RIPOR2: variants seen among roughly 807,000 people sequenced by gnomAD.
RIPOR2 encodes RHO family interacting cell polarization regulator 2.
RIPOR2 carries 39 observed loss-of-function variants against 114.5 expected under a neutral mutation model. The ratio of observed to expected loss-of-function variants is 0.34; its 90% CI spans 0.26 to 0.44. RIPOR2 has a LOEUF of 0.44. RIPOR2 is among the 20% of genes least tolerant of loss of function. RIPOR2 has a pLI of 1.00. For missense variants in RIPOR2, 1,007 were observed against 1,255.1 expected (o/e 0.80, Z 2.99); for synonymous variants, 445 against 484.4 (o/e 0.92, Z 1.07).
At chr6:24,985,693 T>A (rs1183524202) in intron 1 of RIPOR2, among the ~76,000 whole-genome samples, 4 of 152,228 alleles carry the variant, frequency 2.6e-5, no homozygotes, top group South Asian at 4.1e-4. Context: ...CCTAGACCCC[T>A]GGTTGATGTA....
In RIPOR2 at chr6:25,021,671, C is replaced by T. The variant is rs1417345343; in HGVS notation, c.76+20180G>A. On this transcript the variant is annotated intron_variant, in intron 1 of 13. Coordinates refer to the RIPOR2 transcript ENST00000510784. ...TGGGAAGGGGGTGAGGGATAAAAGACTGCAAATTGGGCTCAGTGTATACTC... is the reference window on the plus strand; with the variant it reads ...TGGGAAGGGGGTGAGGGATAAAAGATTGCAAATTGGGCTCAGTGTATACTC... Among the ~76,000 whole-genome samples the T allele has an allele frequency of 2.0e-5, 3 of 152,104 alleles. No homozygotes were observed. The East Asian group carries it at 5.8e-4, about 29-fold the overall frequency.
intron 14 of RIPOR2, among the ~76,000 whole-genome samples, chr6:24,836,413 C>T (rs776259319): frequency 4.2e-4 from 64 of 152,320 alleles, no homozygotes; most frequent in Admixed American, 1.2e-3. Context: ...TCAGAGGAAT[C>T]GCTTAGTTCT....
At chr6:24,934,231 A>C (rs1771606405) in intron 1 of RIPOR2, among the ~76,000 whole-genome samples, 2 of 152,130 alleles carry the variant, frequency 1.3e-5, no homozygotes, top group African/African-American at 4.8e-5. Flanking sequence ...TCTAAGTATA[A>C]ATTTTCTCTT....
At position 25,041,723 on chromosome 6, in the gene RIPOR2, AG is replaced by A. The variant is rs1365583656; in HGVS notation, c.76+127del. The A allele has an allele frequency of 2.1e-5, 13 of 608,492 alleles. No homozygotes were observed. The African/African-American group carries it at 2.2e-4, about 10-fold the overall frequency. The allele number at this position is 608,492 out of a possible 1,614,324, so 37.7% of individuals were successfully genotyped here. A position where few individuals can be genotyped will look rare whatever the true frequency, so the allele number is the denominator to read the frequency against. Reference sequence around the variant, plus strand: ...CAAAGTCCATTGGAAAACGGAGCACAGGAAAGTGGAAGAGAGGAGGAAGGGG... The same window carrying A: ...CAAAGTCCATTGGAAAACGGAGCACAGAAAGTGGAAGAGAGGAGGAAGGGG... On this transcript the variant is annotated intron_variant, in intron 1 of 13. Coordinates refer to the RIPOR2 transcript ENST00000510784.
chr6:24,875,039 G>A (rs189639110), intron 2 of RIPOR2, among the ~76,000 whole-genome samples: 8 of 152,252 alleles, frequency 5.3e-5, no homozygotes, highest in East Asian at 1.9e-4. Flanking sequence ...CTCCGAGGCC[G>A]GAAGGTGCCT....
intron 18 of RIPOR2, 46 bp downstream of exon 18, chr6:24,828,091 G>C: frequency 6.9e-7 from 1 of 1,449,560 alleles, no homozygotes; most frequent in South Asian, 1.4e-5. Flanking sequence ...CAGAGATAAC[G>C]CCAAATTGAG....
At chr6:24,849,039 G>T (rs1283504050) in intron 11 of RIPOR2, among the ~76,000 whole-genome samples, 1 of 152,124 alleles carries the variant, frequency 6.6e-6, no homozygotes, top group Admixed American at 6.5e-5. Context: ...CGAGTAGCTG[G>T]CATTACAGGT....
chr6:24,891,399 T>C (rs1767342224), intron 1 of RIPOR2, among the ~76,000 whole-genome samples: 1 of 152,152 alleles, frequency 6.6e-6, no homozygotes, highest in Non-Finnish European at 1.5e-5. Context: ...CGTGCAAATA[T>C]CTAGATTATT....
chr6:25,028,579 T>C (rs1418911900), intron 1 of RIPOR2, among the ~76,000 whole-genome samples: 1 of 152,198 alleles, frequency 6.6e-6, no homozygotes, highest in African/African-American at 2.4e-5. Flanking sequence ...TAATGCCCAA[T>C]AGGGGAGCTG....
chr6:24,854,885 G>C (rs1435367332), intron 8 of RIPOR2, among the ~76,000 whole-genome samples: 1 of 151,796 alleles, frequency 6.6e-6, no homozygotes, highest in Non-Finnish European at 1.5e-5. Flanking sequence ...AAATTAGCCG[G>C]GTGTGGTGTC....
intron 1 of RIPOR2, among the ~76,000 whole-genome samples, chr6:24,996,461 A>G (rs1393298377): frequency 2.0e-5 from 3 of 152,140 alleles, no homozygotes; most frequent in African/African-American, 7.2e-5. Flanking sequence ...CTGTTTAACC[A>G]TCGCTGGCTG....
intron 1 of RIPOR2, among the ~76,000 whole-genome samples, chr6:25,027,819 C>T (rs919234939): frequency 1.3e-5 from 2 of 152,202 alleles, no homozygotes; most frequent in African/African-American, 2.4e-5. Context: ...GAGGCAAGTT[C>T]CGTGGGTCAG....
chr6:24,868,245 C>A (rs1764821101), intron 6 of RIPOR2, among the ~76,000 whole-genome samples: 1 of 152,098 alleles, frequency 6.6e-6, no homozygotes, highest in Admixed American at 6.5e-5. Context: ...TGTACCTCCC[C>A]AGCTCCACTT....
intron 1 of RIPOR2, chr6:25,024,020 T>C: frequency 6.6e-6 from 5 of 752,786 alleles, no homozygotes; most frequent in Non-Finnish European, 1.2e-5. Flanking sequence ...ATCAGGTCAT[T>C]ACGGCCCTTG....
At chr6:24,871,241 G>T (rs190621385) in intron 4 of RIPOR2, among the ~76,000 whole-genome samples, 38 of 151,958 alleles carry the variant, frequency 2.5e-4, no homozygotes, top group Non-Finnish European at 4.9e-4. Context: ...TAAATTCATG[G>T]TCATTAAAAA....
chr6:24,885,187 C>T (rs74971264), intron 1 of RIPOR2, among the ~76,000 whole-genome samples: 2,369 of 152,100 alleles, frequency 0.016, 50 homozygotes, highest in African/African-American at 0.052. Context: ...GAAATAACAG[C>T]GTAAAATTTG....
intron 21 of RIPOR2, among the ~76,000 whole-genome samples, 165 bp downstream of exon 21, chr6:24,809,552 T>C (rs1407869552): frequency 6.6e-6 from 1 of 152,156 alleles, no homozygotes; most frequent in Admixed American, 6.5e-5. Context: ...TAGACACTGA[T>C]CAGTTCTTCG....
intron 11 of RIPOR2, 45 bp from the exon 12 acceptor site, chr6:24,848,199 C>T: frequency 1.2e-6 from 2 of 1,603,882 alleles, no homozygotes; most frequent in Non-Finnish European, 8.5e-7. Context: ...GGCAAAATCA[C>T]CTATCATCAA....
At chr6:24,946,006 T>A (rs540651805) in intron 1 of RIPOR2, among the ~76,000 whole-genome samples, 20 of 152,146 alleles carry the variant, frequency 1.3e-4, no homozygotes, top group Non-Finnish European at 2.6e-4. Flanking sequence ...CTCACTCATC[T>A]CATTAAGAGA....
Sources: gnomAD v4.1 joint callset for allele counts (sites outside exome capture counted in the v4.1 genomes callset) on GRCh38, gnomAD v4.1.1 for gene constraint, MANE v1.5 for transcripts, NCBI Gene and HGNC (gene_info 2026-07-23, HGNC 2026-07-21) for gene names.